FAM83B: variants seen among roughly 807,000 people sequenced by gnomAD.
FAM83B encodes protein FAM83B.
Under a neutral mutation model 38.8 loss-of-function variants are expected in FAM83B, and 26 were observed. That is an observed-to-expected ratio of 0.67 (90% confidence interval 0.49 to 0.93). The LOEUF (loss-of-function observed/expected upper bound fraction) is 0.93. Among genes scored for constraint, FAM83B ranks in the 40% least tolerant of loss-of-function variants. The pLI, the probability that FAM83B is intolerant of heterozygous loss-of-function variation, is 0.00. For missense variants in FAM83B, 1,237 were observed against 1,197.3 expected (o/e 1.03, Z -0.49); for synonymous variants, 419 against 423.1 (o/e 0.99, Z 0.12).
rs777817241 is a variant in FAM83B, at chr6:54,941,293, G to C, written c.2322G>C (p.Lys774Asn). 1 of 1,611,086 alleles carries C rather than the reference G, an allele frequency of 6.2e-7. No homozygotes were observed. Among genetic ancestry groups the C allele is most frequent in the East Asian group, 2.2e-5 (1 of 44,856 alleles). ...GTTTTTTGAAAAAGGGGTCTCAGAA[G>C]TTAAGGTCATTACTTAGCCTTACCC... The part of the protein sequence containing the change: ...SPSFLKKGSQ[K>N]LRSLLSLTPD... The change falls in exon 5 of 5, where the codon AAG becomes AAC. Residue 774 changes from lysine (K) to asparagine (N), a missense_variant. Coordinates refer to ENST00000306858, the MANE Select transcript of FAM83B (RefSeq NM_001010872.3).
intron 2 of FAM83B, among the ~76,000 whole-genome samples, chr6:54,882,201 G>A (rs1247318432): frequency 6.6e-6 from 1 of 152,112 alleles, no homozygotes; most frequent in Non-Finnish European, 1.5e-5. Flanking sequence ...CTTTGCTATT[G>A]TGCATAGTGC....
At chr6:54,893,595 A>G (rs1772453601) in intron 2 of FAM83B, among the ~76,000 whole-genome samples, 1 of 152,166 alleles carries the variant, frequency 6.6e-6, no homozygotes, top group South Asian at 2.1e-4. Context: ...ATTATGCTGT[A>G]TGTCCAACAT....
intron 1 of FAM83B, among the ~76,000 whole-genome samples, chr6:54,858,330 T>C (rs1771493673): frequency 6.6e-6 from 1 of 152,148 alleles, no homozygotes; most frequent in Admixed American, 6.5e-5. Context: ...CCTCATCTTG[T>C]TGTAAGTTTT....
chr6:54,869,330 G>T (rs183360093), intron 1 of FAM83B, among the ~76,000 whole-genome samples: 2 of 152,042 alleles, frequency 1.3e-5, no homozygotes, highest in African/African-American at 4.8e-5. Context: ...CTCTTCTTCA[G>T]TCCCCTGCTA....
At chr6:54,915,475 G>A (rs1043170326) in intron 2 of FAM83B, among the ~76,000 whole-genome samples, 1 of 152,034 alleles carries the variant, frequency 6.6e-6, no homozygotes, top group Non-Finnish European at 1.5e-5. Context: ...TGCTAGACTA[G>A]GACTGAAAAC....
At chr6:54,935,218 G>A (rs239789) in intron 4 of FAM83B, among the ~76,000 whole-genome samples, 35,992 of 151,962 alleles carry the variant, frequency 0.24, 5,457 homozygotes, top group African/African-American at 0.43. Context: ...GCCAAGCACC[G>A]TTCTTAGCCC....
At chr6:54,916,222 C>G (rs559105605) in intron 2 of FAM83B, among the ~76,000 whole-genome samples, 11 of 152,208 alleles carry the variant, frequency 7.2e-5, no homozygotes, top group African/African-American at 2.4e-4. Flanking sequence ...ACTCCGTCCT[C>G]CCTCTTTCTC....
At position 54,940,876 on chromosome 6, in the gene FAM83B, T is replaced by C; in HGVS notation, c.1905T>C (p.Asn635=). The C allele has an allele frequency of 1.9e-6, 3 of 1,613,724 alleles. No homozygotes were observed. Among genetic ancestry groups the C allele is most frequent in the Non-Finnish European group, 1.7e-6 (2 of 1,179,864 alleles). ...CTACAAATGGCCATACTGAATCAAA[T>C]AACTATATATATAAAACCTTGGGTG... ...NQTTNGHTES[N]NYIYKTLGVN... is the part of the protein sequence containing the mutation. The change falls in exon 5 of 5, where the codon AAT becomes AAC. Residue 635 remains asparagine, a synonymous_variant. Transcript: ENST00000306858.
At chr6:54,847,904 A>G (rs866706845) in intron 1 of FAM83B, among the ~76,000 whole-genome samples, 1 of 152,098 alleles carries the variant, frequency 6.6e-6, no homozygotes, top group African/African-American at 2.4e-5. Context: ...TCAACAGCTT[A>G]TGTCCAAATT....
intron 4 of FAM83B, among the ~76,000 whole-genome samples, chr6:54,936,654 A>T (rs777469232): frequency 1.3e-5 from 2 of 151,352 alleles, no homozygotes; most frequent in Non-Finnish European, 2.9e-5. Flanking sequence ...GTTCAACTAG[A>T]ACATGACCCT....
intron 2 of FAM83B, among the ~76,000 whole-genome samples, chr6:54,925,403 A>C (rs1773265861): frequency 6.6e-6 from 1 of 152,182 alleles, no homozygotes; most frequent in Non-Finnish European, 1.5e-5. Context: ...GTAGGTGGTC[A>C]ATAAATATGC....
At chr6:54,899,630 T>C (rs1176778756) in intron 2 of FAM83B, among the ~76,000 whole-genome samples, 2 of 152,140 alleles carry the variant, frequency 1.3e-5, no homozygotes, top group Non-Finnish European at 2.9e-5. Flanking sequence ...ATGACTAGCA[T>C]GTTGCTATGC....
intron 2 of FAM83B, among the ~76,000 whole-genome samples, chr6:54,917,403 A>AT (rs1407526789): frequency 6.6e-6 from 1 of 152,144 alleles, no homozygotes; most frequent in African/African-American, 2.4e-5. Context: ...CACTTAAGTG[A>AT]TTTTTTAAAA....
intron 2 of FAM83B, among the ~76,000 whole-genome samples, chr6:54,897,247 G>T (rs1410354034): frequency 6.7e-6 from 1 of 148,882 alleles, no homozygotes; most frequent in African/African-American, 2.5e-5. Context: ...AAACCATCTG[G>T]ACAGTGGGGA....
At chr6:54,877,390 T>G (rs1218401999) in intron 2 of FAM83B, among the ~76,000 whole-genome samples, 2 of 152,250 alleles carry the variant, frequency 1.3e-5, no homozygotes, top group African/African-American at 2.4e-5. Context: ...GGAGCCTTTT[T>G]GAGATGATGA....
chr6:54,866,088 C>A (rs1771698530), intron 1 of FAM83B, among the ~76,000 whole-genome samples: 1 of 151,750 alleles, frequency 6.6e-6, no homozygotes, highest in African/African-American at 2.4e-5. Flanking sequence ...TCTGCCCAAA[C>A]TGAGGCTTGT....
chr6:54,859,517 A>G (rs917980838), intron 1 of FAM83B, among the ~76,000 whole-genome samples: 1 of 152,240 alleles, frequency 6.6e-6, no homozygotes, highest in Non-Finnish European at 1.5e-5. Flanking sequence ...CTAAACAGAC[A>G]TAATCTCTGC....
rs1169966321 is a variant in FAM83B at position 54,945,060 on chromosome 6, A to G, written c.*3053A>G. 1 of 152,180 alleles carries G rather than the reference A, an allele frequency of 6.6e-6. No individual in the cohort carries two copies. Among genetic ancestry groups the G allele is most frequent in the East Asian group, 1.9e-4 (1 of 5,186 alleles). 9.4% of individuals were successfully genotyped at this position (152,180 alleles called of 1,614,324 possible). A position where few individuals can be genotyped will look rare whatever the true frequency, so the allele number is the denominator to read the frequency against. On this transcript the variant is annotated 3_prime_UTR_variant, in exon 5 of 5. Coordinates refer to ENST00000306858, the MANE Select transcript of FAM83B (RefSeq NM_001010872.3). ...CTTCCAAATGAACTTTTGTTTTTAG[A>G]TCAATAAATGAATAATAAATAATTT...
Position 54,939,808 on chromosome 6 carries a change from A to G in FAM83B, c.837A>G (p.Arg279=), listed in dbSNP as rs1248588603. Residue 279 remains arginine (R), a synonymous_variant, in exon 5 of 5, where the codon AGA becomes AGG. Coordinates refer to ENST00000306858, the MANE Select transcript of FAM83B (RefSeq NM_001010872.3). Reference sequence around the variant, plus strand: ...AAGAATTTAGAACTCTCTATGCCAGATCCTGTGTCCCTAGTTCATTTGCTC... The same window carrying G: ...AAGAATTTAGAACTCTCTATGCCAGGTCCTGTGTCCCTAGTTCATTTGCTC... ...FDEEFRTLYA[R]SCVPSSFAQE... is the part of the protein sequence containing the mutation. 1.2e-6 allele frequency: 2 copies of G among 1,613,886 alleles called. No homozygotes were observed. The highest frequency in any genetic ancestry group is 2.7e-5 in the African/African-American group (2 of 74,906).
Sources: allele counts gnomAD v4.1 joint callset (sites outside exome capture counted in the v4.1 genomes callset), GRCh38; gene constraint gnomAD v4.1.1; transcripts MANE v1.5; gene names NCBI Gene and HGNC (gene_info 2026-07-23, HGNC 2026-07-21).